The following CNTNAP2 variants were observed in gnomAD, a reference collection of about 807,000 sequenced individuals.
CNTNAP2 encodes contactin associated protein 2.
CNTNAP2 carries 98 observed loss-of-function variants against 155.2 expected under a neutral mutation model. The observed-to-expected ratio is 0.63, with a 90% CI of 0.54 to 0.75. CNTNAP2 has a LOEUF of 0.75. Among genes scored for constraint, CNTNAP2 ranks in the 30% least tolerant of loss-of-function variants. The pLI is 0.00. For synonymous variants in CNTNAP2, 651 were observed against 631.2 expected, an observed-to-expected ratio of 1.03 and a Z score of -0.47; for missense variants, 1,727 against 1,688.1, an observed-to-expected ratio of 1.02 and a Z score of -0.40.
chr7:148,201,350 G>A (rs1400869487), intron 18 of CNTNAP2, among the ~76,000 whole-genome samples: 2 of 152,162 alleles, frequency 1.3e-5, no homozygotes, highest in African/African-American at 2.4e-5. Flanking sequence ...GTGAGAGTTC[G>A]CTTTAGCTTG....
chr7:147,025,877 T>C (rs1404197064), intron 3 of CNTNAP2, among the ~76,000 whole-genome samples: 1 of 151,574 alleles, frequency 6.6e-6, no homozygotes, highest in East Asian at 1.9e-4. Flanking sequence ...AATTTTTATA[T>C]ATTTTTTAAT....
At chr7:147,668,853 C>T (rs768235602) in intron 13 of CNTNAP2, among the ~76,000 whole-genome samples, 15 of 152,058 alleles carry the variant, frequency 9.9e-5, no homozygotes, top group Admixed American at 1.3e-4. Context: ...CAGTAGTGTG[C>T]GGTGATGCCC....
rs1195844725 is a variant in CNTNAP2, at chr7:147,985,400, G to A, written c.2383+7411G>A. 6.7e-5 allele frequency among the ~76,000 whole-genome samples: 5 copies of A among 75,044 alleles called. No individual in the cohort carries two copies. In the South Asian group the frequency reaches 1.3e-3, roughly 19 times the overall value. The allele number at this position is 75,044 out of a possible 152,430, so 49.2% of individuals were successfully genotyped here. On this transcript the variant is annotated intron_variant, in intron 15 of 23. Transcript: ENST00000361727. ...ATCTGACTCTTGGGAGTTGATTTAT[G>A]TTTTTACTTTTTTTTTTTTTTTTTT...
At chr7:147,906,447 C>A (rs1563130843) in intron 14 of CNTNAP2, among the ~76,000 whole-genome samples, 1 of 151,888 alleles carries the variant, frequency 6.6e-6, no homozygotes, top group African/African-American at 2.4e-5. Context: ...GGATTACAAC[C>A]ATGAGCCACC....
intron 1 of CNTNAP2, among the ~76,000 whole-genome samples, chr7:146,616,996 G>T (rs1488092807): frequency 6.9e-6 from 1 of 145,502 alleles, no homozygotes; most frequent in South Asian, 2.3e-4. Flanking sequence ...GAAAAAGTGT[G>T]TATTCCAGGA....
At chr7:146,363,540 C>A (rs1358666371) in intron 1 of CNTNAP2, among the ~76,000 whole-genome samples, 1 of 152,004 alleles carries the variant, frequency 6.6e-6, no homozygotes, top group Non-Finnish European at 1.5e-5. Flanking sequence ...AAATTAGTAA[C>A]CCAGTAATAA....
At chr7:147,373,961 A>T (rs562216079) in intron 9 of CNTNAP2, among the ~76,000 whole-genome samples, 231 of 151,852 alleles carry the variant, frequency 1.5e-3, no homozygotes, top group Middle Eastern at 3.4e-3. Context: ...TTTATCAGGA[A>T]AAAAAAAGCA....
At chr7:146,285,331 T>A (rs77342632) in intron 1 of CNTNAP2, among the ~76,000 whole-genome samples, 5,688 of 152,192 alleles carry the variant, frequency 0.037, 165 homozygotes, top group African/African-American at 0.078. Context: ...GCATTCACAT[T>A]TCACTTGCTT....
At chr7:148,208,858 C>T (rs538047834) in intron 18 of CNTNAP2, among the ~76,000 whole-genome samples, 3 of 152,196 alleles carry the variant, frequency 2.0e-5, no homozygotes, top group Admixed American at 1.3e-4. Flanking sequence ...ACCTCGTGTT[C>T]AAGGGGTCCC....
intron 1 of CNTNAP2, among the ~76,000 whole-genome samples, chr7:146,710,171 G>A (rs1488247269): frequency 6.6e-6 from 1 of 152,106 alleles, no homozygotes; most frequent in East Asian, 1.9e-4. Flanking sequence ...ACATGGATTA[G>A]GATTAGGATT....
chr7:147,466,170 T>C (rs78758119), intron 10 of CNTNAP2, among the ~76,000 whole-genome samples: 86 of 152,250 alleles, frequency 5.6e-4, no homozygotes, highest in African/African-American at 1.9e-3. Context: ...AGAAACATGA[T>C]TGAAGGAAAA....
Position 147,004,629 on chromosome 7 carries a change from G to A in CNTNAP2, c.403-39278G>A, listed in dbSNP as rs182216149. Among the ~76,000 whole-genome samples the A allele has an allele frequency of 5.9e-5, 9 of 152,072 alleles. No individual in the cohort carries two copies. In the East Asian group the frequency reaches 1.5e-3, roughly 26 times the overall value. ...TTTTACAAATAGTTAAACTGTCATC[G>A]TATGGCGGAGTTGAAAGTTAATATT... On this transcript the variant is annotated intron_variant, in intron 3 of 23. Coordinates refer to ENST00000361727, the MANE Select transcript of CNTNAP2 (RefSeq NM_014141.6).
intron 15 of CNTNAP2, among the ~76,000 whole-genome samples, chr7:148,103,357 G>A (rs769029318): frequency 1.7e-4 from 26 of 152,100 alleles, no homozygotes; most frequent in Admixed American, 5.9e-4. Context: ...AACTTCTGGT[G>A]AACACACTGT....
At chr7:147,713,149 ATT>A (rs1246303399) in intron 13 of CNTNAP2, among the ~76,000 whole-genome samples, 1 of 151,526 alleles carries the variant, frequency 6.6e-6, no homozygotes, top group African/African-American at 2.4e-5. Flanking sequence ...GCTGCATCCC[ATT>A]TTTTTCTTTT....
chr7:147,453,776 A>G (rs1797873745), intron 10 of CNTNAP2, among the ~76,000 whole-genome samples: 1 of 152,144 alleles, frequency 6.6e-6, no homozygotes, highest in Non-Finnish European at 1.5e-5. Flanking sequence ...TTGTACTCCA[A>G]ACTTAAAAGC....
intron 21 of CNTNAP2, among the ~76,000 whole-genome samples, chr7:148,338,056 C>T (rs1193585968): frequency 6.6e-6 from 1 of 152,136 alleles, no homozygotes. Flanking sequence ...CAATCCATTA[C>T]CCCCAGATTT....
intron 8 of CNTNAP2, among the ~76,000 whole-genome samples, chr7:147,151,072 C>A (rs980025138): frequency 6.6e-6 from 1 of 152,116 alleles, no homozygotes; most frequent in Non-Finnish European, 1.5e-5. Context: ...ATATGATCAA[C>A]CTTTTGTAAA....
intron 13 of CNTNAP2, among the ~76,000 whole-genome samples, chr7:147,714,232 G>A (rs1584915425): frequency 1.3e-5 from 2 of 152,178 alleles, no homozygotes; most frequent in Admixed American, 6.5e-5. Flanking sequence ...GCTTGTTCAG[G>A]TTCTGGAAGG....
At chr7:148,030,153 C>T (rs1802449009) in intron 15 of CNTNAP2, among the ~76,000 whole-genome samples, 1 of 152,138 alleles carries the variant, frequency 6.6e-6, no homozygotes, top group Non-Finnish European at 1.5e-5. Context: ...AGTTAAATTA[C>T]CAAGTGCTGC....
Sources: allele counts gnomAD v4.1 joint callset (sites outside exome capture counted in the v4.1 genomes callset), GRCh38; gene constraint gnomAD v4.1.1; transcripts MANE v1.5; gene names NCBI Gene and HGNC (gene_info 2026-07-23, HGNC 2026-07-21).